The following FAM135A variants were observed in gnomAD, a reference collection of about 807,000 sequenced individuals.
FAM135A encodes protein FAM135A.
FAM135A carries 79 observed loss-of-function variants against 146.8 expected under a neutral mutation model. That is an observed-to-expected ratio of 0.54 (90% confidence interval 0.45 to 0.65). FAM135A has a LOEUF of 0.65. FAM135A is among the 30% of genes least tolerant of loss of function. The pLI is 0.00. For synonymous variants in FAM135A, 562 were observed against 603.6 expected, an observed-to-expected ratio of 0.93 and a Z score of 1.01; for missense variants, 1,623 against 1,758.2, an observed-to-expected ratio of 0.92 and a Z score of 1.38.
intron 16 of FAM135A, among the ~76,000 whole-genome samples, chr6:70,530,484 G>A (rs1235331915): frequency 6.6e-6 from 1 of 152,070 alleles, no homozygotes; most frequent in Non-Finnish European, 1.5e-5. Context: ...AAATTCAGCA[G>A]TTTATAACGA....
intron 11 of FAM135A, among the ~76,000 whole-genome samples, chr6:70,496,465 C>T (rs1787294201): frequency 7.5e-6 from 1 of 133,902 alleles, no homozygotes; most frequent in Admixed American, 7.0e-5. Context: ...CCTGTTCACT[C>T]TGATGAGTTT....
At chr6:70,439,989 A>G (rs9446251) in intron 4 of FAM135A, among the ~76,000 whole-genome samples, 3,240 of 152,332 alleles carry the variant, frequency 0.021, 109 homozygotes, top group African/African-American at 0.074. Context: ...AATGTTTAAA[A>G]TAATTCCTTG....
At chr6:70,545,730 G>A (rs16869353) in intron 20 of FAM135A, among the ~76,000 whole-genome samples, 26,291 of 152,072 alleles carry the variant, frequency 0.17, 2,340 homozygotes, top group Middle Eastern at 0.21. Context: ...CGTTCTAGGT[G>A]TGATTTAAAC....
chr6:70,534,261 GTATATGATA>G (rs1796367478), intron 18 of FAM135A, among the ~76,000 whole-genome samples: 1 of 143,424 alleles, frequency 7.0e-6, no homozygotes, highest in African/African-American at 2.6e-5. Context: ...TATGATATAT[GTATATGATA>G]TATGTATATG....
intron 5 of FAM135A, among the ~76,000 whole-genome samples, chr6:70,453,998 A>G (rs904990417): frequency 1.3e-5 from 2 of 152,240 alleles, no homozygotes; most frequent in Non-Finnish European, 2.9e-5. Flanking sequence ...AGTGTCTTCC[A>G]TAATGGTTGA....
chr6:70,551,566 G>T (rs1020390873), intron 20 of FAM135A, among the ~76,000 whole-genome samples: 10 of 152,198 alleles, frequency 6.6e-5, no homozygotes, highest in Admixed American at 6.5e-5. Flanking sequence ...AGTCATGATT[G>T]CACCACTGCA....
chr6:70,456,006 C>T (rs1778296055), intron 5 of FAM135A, among the ~76,000 whole-genome samples: 1 of 152,132 alleles, frequency 6.6e-6, no homozygotes, highest in Non-Finnish European at 1.5e-5. Context: ...CGTGCATCAC[C>T]ACACCCAGCT....
At chr6:70,447,332 T>C (rs1411466304) in intron 4 of FAM135A, among the ~76,000 whole-genome samples, 1 of 152,266 alleles carries the variant, frequency 6.6e-6, no homozygotes, top group Admixed American at 6.5e-5. Flanking sequence ...CTATTCGCTC[T>C]CCTGGCTCTG....
Position 70,533,254 on chromosome 6 carries a change from A to T in FAM135A, c.3867+3A>T, listed in dbSNP as rs1350787884. ...TTCTTATGTCTGAGAGAAATCAGGT[A>T]CAATATGACAGTGTTTTCAGTGAAA... On this transcript the variant is annotated splice_donor_region_variant and intron_variant, in intron 17 of 21. Transcript: ENST00000418814. 1 of 1,606,908 alleles carries T rather than the reference A, an allele frequency of 6.2e-7. No homozygotes were observed. The highest frequency in any genetic ancestry group is 8.5e-7 in the Non-Finnish European group (1 of 1,175,952).
chr6:70,556,922 T>G (rs76233144), intron 21 of FAM135A, 59 bp downstream of exon 21: 34,766 of 1,341,758 alleles, frequency 0.026, 528 homozygotes, highest in Non-Finnish European at 0.031. Context: ...TTCCAAAATT[T>G]TTCTTGTAGT....
At chr6:70,439,441 T>C (rs1773950528) in intron 4 of FAM135A, among the ~76,000 whole-genome samples, 1 of 152,236 alleles carries the variant, frequency 6.6e-6, no homozygotes, top group African/African-American at 2.4e-5. Flanking sequence ...TTCTAGTTAA[T>C]ATTTACAAGA....
At chr6:70,540,356 G>A (rs541132426) in intron 20 of FAM135A, among the ~76,000 whole-genome samples, 6 of 118,328 alleles carry the variant, frequency 5.1e-5, no homozygotes, top group South Asian at 2.7e-4. Context: ...ACGGAGTCTC[G>A]CTCTGCCGCC....
At chr6:70,422,525 A>G (rs985420906) in intron 2 of FAM135A, among the ~76,000 whole-genome samples, 3 of 152,230 alleles carry the variant, frequency 2.0e-5, no homozygotes, top group Admixed American at 1.3e-4. Context: ...GGGATAATCA[A>G]TACAAAAGAG....
chr6:70,526,748 TATACAC>T (rs1794770554), intron 15 of FAM135A, 50 bp downstream of exon 15: 1 of 1,093,420 alleles, frequency 9.1e-7, no homozygotes, highest in South Asian at 1.5e-5. Flanking sequence ...TACATATATA[TATACAC>T]ACACACACAC....
chr6:70,538,019 T>C (rs1251057856), intron 19 of FAM135A, among the ~76,000 whole-genome samples: 1 of 152,240 alleles, frequency 6.6e-6, no homozygotes, highest in Non-Finnish European at 1.5e-5. Context: ...CAGTTTGTTC[T>C]TCATATGCTA....
chr6:70,528,435 G>T lies in FAM135A; in HGVS notation c.3758G>T (p.Cys1253Phe). Reference sequence around the variant, plus strand: ...GAAGATGGAGTACATCTGATTGTCTGTGTGCACGGTTTAGATGGTATGTGA... The same window carrying T: ...GAAGATGGAGTACATCTGATTGTCTTTGTGCACGGTTTAGATGGTATGTGA... ...GSEDGVHLIV[C>F]VHGLDGNSAD... Residue 1253 changes from cysteine to phenylalanine, a missense_variant, in exon 16 of 22, where the codon TGT (cysteine) becomes TTT (phenylalanine). Coordinates refer to ENST00000418814, the MANE Select transcript of FAM135A (RefSeq NM_001162529.3). 1 of 1,607,946 alleles carries T rather than the reference G, an allele frequency of 6.2e-7. No homozygotes were observed. The highest frequency in any genetic ancestry group is 8.5e-7 in the Non-Finnish European group (1 of 1,177,834).
chr6:70,534,312 CTTT>C (rs1179072858), intron 18 of FAM135A, among the ~76,000 whole-genome samples: 5 of 89,844 alleles, frequency 5.6e-5, no homozygotes, highest in African/African-American at 1.9e-4. Flanking sequence ...AGTTTGTATA[CTTT>C]TTTTTTTTTT....
At position 70,526,393 on chromosome 6, in the gene FAM135A, A is replaced by G. The variant is rs750333707; in HGVS notation, c.3309A>G (p.Thr1103=). 1.2e-6 allele frequency: 2 copies of G among 1,613,684 alleles called. No individual in the cohort carries two copies. Among genetic ancestry groups the G allele is most frequent in the Non-Finnish European group, 1.7e-6 (2 of 1,179,704 alleles). ...TTCAAAATGGGTACTATGAAGAAACAGATTATTCAGCTTTGGATGGAACAA... is the reference window on the plus strand; with the variant it reads ...TTCAAAATGGGTACTATGAAGAAACGGATTATTCAGCTTTGGATGGAACAA... ...QMVQNGYYEE[T]DYSALDGTIN... The change falls in exon 15 of 22, where the codon ACA becomes ACG. Residue 1103 remains threonine (T), a synonymous_variant. Transcript: ENST00000418814.
chr6:70,421,985 T>C (rs566782817), intron 2 of FAM135A, among the ~76,000 whole-genome samples: 52 of 152,158 alleles, frequency 3.4e-4, no homozygotes, highest in Non-Finnish European at 6.6e-4. Flanking sequence ...TGCAACTTCT[T>C]GAGATGACAG....
Sources: gnomAD v4.1 joint callset for allele counts (sites outside exome capture counted in the v4.1 genomes callset) on GRCh38, gnomAD v4.1.1 for gene constraint, MANE v1.5 for transcripts, NCBI Gene and HGNC (gene_info 2026-07-23, HGNC 2026-07-21) for gene names.